The following MYO6 variants were observed in gnomAD, a reference collection of about 807,000 sequenced individuals.
The protein encoded by MYO6 is myosin VI.
A neutral mutation model predicts 178.7 loss-of-function variants in MYO6; 74 were observed. The observed-to-expected ratio is 0.41, with a 90% CI of 0.34 to 0.50. MYO6 has a LOEUF of 0.50. MYO6 is among the 20% of genes least tolerant of loss of function. The pLI is 0.09. For synonymous variants in MYO6, 477 were observed against 504.6 expected, an observed-to-expected ratio of 0.95 and a Z score of 0.73; for missense variants, 1,330 against 1,547.4, an observed-to-expected ratio of 0.86 and a Z score of 2.36.
rs141338105 is a variant in MYO6 at position 75,769,621 on chromosome 6, G to A, written c.-48+20198G>A. ...TGCTCTCAAGAATAGAATTGAGTAG[G>A]CTGGGCGTGGTGGCTCATGCCTGTA... On this transcript the variant is annotated intron_variant, in intron 1 of 34. Transcript: ENST00000369977. Among the ~76,000 whole-genome samples the A allele has an allele frequency of 2.1e-4, 32 of 152,356 alleles. 1 individual carries two copies. In the East Asian group the frequency reaches 5.8e-3, roughly 28 times the overall value.
intron 23 of MYO6, among the ~76,000 whole-genome samples, chr6:75,885,659 G>GCAAC (rs1778372062): frequency 6.6e-6 from 1 of 152,044 alleles, no homozygotes; most frequent in South Asian, 2.1e-4. Context: ...TGTTAGCCAG[G>GCAAC]ATGGTCTCAA....
intron 30 of MYO6, among the ~76,000 whole-genome samples, chr6:75,904,414 T>G (rs4441925): frequency 0.74 from 110,644 of 150,278 alleles, 43,281 homozygotes; most frequent in Middle Eastern, 0.87. Flanking sequence ...TTTCTTGGAG[T>G]CTTTGTTCGT....
chr6:75,868,315 T>A (rs13220416), intron 18 of MYO6, among the ~76,000 whole-genome samples: 19,470 of 151,854 alleles, frequency 0.13, 1,330 homozygotes, highest in Non-Finnish European at 0.15. Flanking sequence ...ATCTTTTTTT[T>A]ATTTGAGTAT....
chr6:75,809,910 A>C (rs1239742021), intron 1 of MYO6, among the ~76,000 whole-genome samples: 60 of 149,198 alleles, frequency 4.0e-4, no homozygotes, highest in African/African-American at 5.2e-4. Context: ...TAAAAAAAAA[A>C]AAAAAACAAA....
chr6:75,897,644 G>A (rs1258684985), intron 29 of MYO6, among the ~76,000 whole-genome samples: 2 of 152,124 alleles, frequency 1.3e-5, no homozygotes, highest in East Asian at 3.9e-4. Context: ...GAATGAATGA[G>A]AAAATAATTA....
chr6:75,836,138 A>T (rs955012350), intron 7 of MYO6, among the ~76,000 whole-genome samples, 182 bp downstream of exon 7: 1 of 152,200 alleles, frequency 6.6e-6, no homozygotes, highest in Non-Finnish European at 1.5e-5. Flanking sequence ...CCCGCACCTC[A>T]TGAAAACACT....
At position 75,918,362 on chromosome 6, in the gene MYO6, G is replaced by C. The variant is rs780324174; in HGVS notation, c.*3350G>C. On this transcript the variant is annotated 3_prime_UTR_variant, in exon 35 of 35. Transcript: ENST00000369977. ...GAGAAGAGCAACAGTGGAAGAGACAGGTTGTGTGCCCCTAAAGATTCTGCA... is the reference window on the plus strand; with the variant it reads ...GAGAAGAGCAACAGTGGAAGAGACACGTTGTGTGCCCCTAAAGATTCTGCA... The C allele has an allele frequency of 2.0e-5, 3 of 152,212 alleles. No homozygotes were observed. Among genetic ancestry groups the C allele is most frequent in the Non-Finnish European group, 2.9e-5 (2 of 68,080 alleles). 9.4% of individuals were successfully genotyped at this position (152,212 alleles called of 1,614,324 possible). A position where few individuals can be genotyped will look rare whatever the true frequency, so the allele number is the denominator to read the frequency against.
At chr6:75,794,594 T>C (rs1371720348) in intron 1 of MYO6, among the ~76,000 whole-genome samples, 1 of 152,068 alleles carries the variant, frequency 6.6e-6, no homozygotes, top group African/African-American at 2.4e-5. Context: ...AAAGACCCTA[T>C]TGAGCATGAA....
rs142534274 is a variant in MYO6, at chr6:75,906,063, A to G, written c.3177-1542A>G. Among the ~76,000 whole-genome samples, 5 of 152,332 alleles carry G rather than the reference A, an allele frequency of 3.3e-5. No individual in the cohort carries two copies. The East Asian group carries it at 7.7e-4, about 24-fold the overall frequency. On this transcript the variant is annotated intron_variant, in intron 30 of 34. Transcript: ENST00000369977. Reference sequence around the variant, plus strand: ...AAATACATGTTTATTTTCAGGTATTATATCTTGATCAATCCTCTTTAAGAG... The same window carrying G: ...AAATACATGTTTATTTTCAGGTATTGTATCTTGATCAATCCTCTTTAAGAG...
intron 11 of MYO6, among the ~76,000 whole-genome samples, chr6:75,854,707 A>G (rs1284868511): frequency 2.0e-5 from 3 of 152,186 alleles, no homozygotes; most frequent in Non-Finnish European, 4.4e-5. Context: ...ATAGACAGAT[A>G]TGTACATCCA....
intron 6 of MYO6, 139 bp from the exon 7 acceptor site, chr6:75,835,762 C>G: frequency 1.5e-6 from 1 of 655,484 alleles, no homozygotes; most frequent in South Asian, 1.8e-5. Flanking sequence ...ATTTAAAAAG[C>G]TATGACAGAA....
At chr6:75,826,461 G>A (rs1772480560) in intron 3 of MYO6, among the ~76,000 whole-genome samples, 1 of 152,152 alleles carries the variant, frequency 6.6e-6, no homozygotes, top group South Asian at 2.1e-4. Flanking sequence ...GTTCACAGGG[G>A]AAGCGTACTG....
intron 2 of MYO6, among the ~76,000 whole-genome samples, chr6:75,819,702 A>G (rs1484477812): frequency 1.3e-5 from 2 of 152,246 alleles, no homozygotes; most frequent in Non-Finnish European, 1.5e-5. Context: ...ATCAAAAGAA[A>G]CATTCTTAGC....
At chr6:75,889,349 T>G (rs992853372) in intron 25 of MYO6, among the ~76,000 whole-genome samples, 6 of 152,240 alleles carry the variant, frequency 3.9e-5, no homozygotes, top group Admixed American at 3.9e-4. Flanking sequence ...CTCTAGGTAC[T>G]ATTTGAACAT....
intron 1 of MYO6, among the ~76,000 whole-genome samples, chr6:75,815,844 A>G (rs570860423): frequency 2.4e-4 from 37 of 152,376 alleles, no homozygotes; most frequent in African/African-American, 8.7e-4. Flanking sequence ...CACATGAATC[A>G]GCTTTTCTTT....
intron 1 of MYO6, among the ~76,000 whole-genome samples, 197 bp from the exon 2 acceptor site, chr6:75,817,304 C>CAAAAAAA (rs759910571): frequency 3.2e-5 from 2 of 62,994 alleles, no homozygotes; most frequent in African/African-American, 1.0e-4. Context: ...GATTCCGTCT[C>CAAAAAAA]AAAAAAAAAA....
intron 1 of MYO6, among the ~76,000 whole-genome samples, chr6:75,798,224 A>G (rs894831945): frequency 6.6e-6 from 1 of 152,156 alleles, no homozygotes. Flanking sequence ...TCCCAGCACC[A>G]TTTATTGAAT....
chr6:75,886,144 A>T, intron 24 of MYO6, 50 bp downstream of exon 24: 1 of 1,242,696 alleles, frequency 8.0e-7, no homozygotes, highest in Non-Finnish European at 1.2e-6. Flanking sequence ...AGTTACTGTA[A>T]TACAAAATGA....
chr6:75,833,010 A>G, intron 6 of MYO6, 63 bp downstream of exon 6: 2 of 1,146,108 alleles, frequency 1.7e-6, no homozygotes, highest in Non-Finnish European at 2.6e-6. Context: ...CCCTTGAGAT[A>G]GGGTCTTACT....
Sources: allele counts gnomAD v4.1 joint callset (sites outside exome capture counted in the v4.1 genomes callset), GRCh38; gene constraint gnomAD v4.1.1; transcripts MANE v1.5; gene names NCBI Gene and HGNC (gene_info 2026-07-23, HGNC 2026-07-21).